PPP4R3B: variants seen among roughly 807,000 people sequenced by gnomAD.
The protein encoded by PPP4R3B is serine/threonine-protein phosphatase 4 regulatory subunit 3B.
In PPP4R3B, 52 loss-of-function variants were observed where a neutral mutation model predicts 95.4. The observed-to-expected ratio is 0.54, with a 90% confidence interval of 0.44 to 0.69. PPP4R3B has a LOEUF of 0.69. Among genes scored for constraint, PPP4R3B ranks in the 30% least tolerant of loss-of-function variants. The pLI, the probability that PPP4R3B is intolerant of heterozygous loss-of-function variation, is 0.00. For missense variants in PPP4R3B, 1,003 were observed against 1,005.9 expected, an observed-to-expected ratio of 1.00 and a Z score of 0.04; for synonymous variants, 407 against 343.9, an observed-to-expected ratio of 1.18 and a Z score of -2.03.
rs530565915 is a variant in PPP4R3B, at chr2:55,563,026, T to C, written c.2260+1287A>G. Among the ~76,000 whole-genome samples, 42 of 152,364 alleles carry C rather than the reference T, an allele frequency of 2.8e-4. No homozygotes were observed. The South Asian group carries it at 7.7e-3, about 28-fold the overall frequency. On this transcript the variant is annotated intron_variant, in intron 15 of 16. Transcript: ENST00000616407. ...TTAACATCTGGTTATTATTTTTATA[T>C]ATGATTCTTAACAGCATCTCACTCA...
chr2:55,578,882 A>C (rs781067567), intron 9 of PPP4R3B, among the ~76,000 whole-genome samples: 7 of 152,076 alleles, frequency 4.6e-5, no homozygotes, highest in Non-Finnish European at 1.5e-5. Context: ...TCACTAATTA[A>C]GTTGTACGCT....
chr2:55,603,665 T>A (rs1187873936), intron 3 of PPP4R3B, among the ~76,000 whole-genome samples: 1 of 152,226 alleles, frequency 6.6e-6, no homozygotes, highest in Non-Finnish European at 1.5e-5. Context: ...ATGTTTTTAA[T>A]CTAAAAGCTT....
At chr2:55,551,427 A>G (rs1685227957) in intron 16 of PPP4R3B, among the ~76,000 whole-genome samples, 1 of 152,124 alleles carries the variant, frequency 6.6e-6, no homozygotes, top group East Asian at 1.9e-4. Context: ...TTGGTATAGT[A>G]GTATTTAGGC....
intron 3 of PPP4R3B, 149 bp downstream of exon 3, chr2:55,603,829 C>G: frequency 4.0e-6 from 2 of 500,438 alleles, no homozygotes; most frequent in Non-Finnish European, 6.9e-6. Context: ...AAATAATTTG[C>G]CGTAGAATAT....
chr2:55,556,632 TAA>T (rs570817892), intron 16 of PPP4R3B, among the ~76,000 whole-genome samples: 34 of 141,504 alleles, frequency 2.4e-4, no homozygotes, highest in African/African-American at 6.2e-4. Context: ...TACTTTGATT[TAA>T]AAAAAAAAAA....
In PPP4R3B at chr2:55,598,531, A is replaced by G; in HGVS notation, c.806T>C (p.Val269Ala). Residue 269 changes from valine to alanine, a missense_variant, in exon 4 of 17, where the codon GTA becomes GCA. Val to Ala is a moderately conservative substitution (Grantham distance 64, BLOSUM62 0). This residue lies in a region of PPP4R3B where 695 missense variants were observed against 686.2 expected (regional missense o/e 1.01). Transcript: ENST00000616407. ...CAAAATGATGTCCTGAATGTACTGT[A>G]CCCTGTAAGTCTGATGTATTTTTTG... ...LRQKIHQTYR[V>A]QYIQDIILPT... 6.2e-7 allele frequency: 1 copy of G among 1,614,138 alleles called. No individual in the cohort carries two copies.
chr2:55,612,000 TGA>T (rs371062847), intron 2 of PPP4R3B, among the ~76,000 whole-genome samples: 37 of 152,318 alleles, frequency 2.4e-4, no homozygotes, highest in African/African-American at 8.4e-4. Context: ...TCCAAAGTGC[TGA>T]GATTGCAGGT....
chr2:55,570,941 A>G (rs891378560), intron 12 of PPP4R3B, among the ~76,000 whole-genome samples: 1 of 152,354 alleles, frequency 6.6e-6, no homozygotes, highest in Non-Finnish European at 1.5e-5. Context: ...AAATGAACTG[A>G]CATGTACACA....
intron 16 of PPP4R3B, among the ~76,000 whole-genome samples, chr2:55,553,235 T>A (rs188116958): frequency 6.6e-6 from 1 of 152,342 alleles, no homozygotes; most frequent in African/African-American, 2.4e-5. Context: ...AAATTTTGTA[T>A]ACTGAGCAGA....
At chr2:55,614,135 T>C (rs1216796027) in intron 2 of PPP4R3B, 3 of 152,222 alleles carry the variant, frequency 2.0e-5, no homozygotes, top group African/African-American at 7.2e-5. Flanking sequence ...ATGTGTTATA[T>C]ACATAATTGT....
chr2:55,600,173 T>C (rs1022561837), intron 3 of PPP4R3B, among the ~76,000 whole-genome samples: 2 of 152,176 alleles, frequency 1.3e-5, no homozygotes, highest in Non-Finnish European at 2.9e-5. Flanking sequence ...ACGCCTGTAA[T>C]GCCAGCACTT....
intron 4 of PPP4R3B, among the ~76,000 whole-genome samples, chr2:55,592,337 C>G (rs886592022): frequency 1.3e-5 from 2 of 152,100 alleles, no homozygotes; most frequent in African/African-American, 2.4e-5. Flanking sequence ...GTCACTCCTA[C>G]TAAGTAAACC....
At chr2:55,564,157 A>G (rs182791953) in intron 15 of PPP4R3B, among the ~76,000 whole-genome samples, 156 bp downstream of exon 15, 4 of 152,242 alleles carry the variant, frequency 2.6e-5, no homozygotes, top group African/African-American at 9.6e-5. Context: ...TCCCAGACAG[A>G]TTTGGAAAAA....
At chr2:55,563,298 T>C (rs1339189702) in intron 15 of PPP4R3B, among the ~76,000 whole-genome samples, 1 of 152,270 alleles carries the variant, frequency 6.6e-6, no homozygotes, top group Non-Finnish European at 1.5e-5. Context: ...CTGAGAATTG[T>C]CTTTAGAAAA....
rs1164732780 is a variant in PPP4R3B at position 55,564,891 on chromosome 2, T to G, written c.2075+11A>C. The G allele has an allele frequency of 6.2e-7, 1 of 1,606,940 alleles. No individual in the cohort carries two copies. Among genetic ancestry groups the G allele is most frequent in the African/African-American group, 1.3e-5 (1 of 74,552 alleles). ...TTTGTAGGCTATAAAAGCAGTATACTTAAACAATACCTGTTCAGTTTCTGA... is the reference window on the plus strand; with the variant it reads ...TTTGTAGGCTATAAAAGCAGTATACGTAAACAATACCTGTTCAGTTTCTGA... On this transcript the variant is annotated intron_variant, in intron 14 of 16. Transcript: ENST00000616407.
intron 4 of PPP4R3B, among the ~76,000 whole-genome samples, chr2:55,593,821 A>T (rs1471749268): frequency 1.3e-5 from 2 of 152,142 alleles, no homozygotes; most frequent in Non-Finnish European, 2.9e-5. Context: ...ATTCATACCC[A>T]AAGGAAAAAA....
chr2:55,607,777 C>T (rs1260079345), intron 2 of PPP4R3B, among the ~76,000 whole-genome samples: 2 of 152,184 alleles, frequency 1.3e-5, no homozygotes, highest in African/African-American at 4.8e-5. Flanking sequence ...AATCTTCTAA[C>T]CATGCCTTGG....
At chr2:55,564,291 C>T in intron 15 of PPP4R3B, 22 bp downstream of exon 15, 1 of 1,601,232 alleles carries the variant, frequency 6.2e-7, no homozygotes, top group East Asian at 2.2e-5. Context: ...GTACACTGTG[C>T]AAAAATTCCG....
At chr2:55,564,785 T>C in intron 14 of PPP4R3B, 117 bp downstream of exon 14, 1 of 1,237,380 alleles carries the variant, frequency 8.1e-7, no homozygotes, top group South Asian at 1.4e-5. Context: ...TATTCAACTC[T>C]ATGCTATCCA....
Sources: allele counts gnomAD v4.1 joint callset (sites outside exome capture counted in the v4.1 genomes callset), GRCh38; gene constraint gnomAD v4.1.1; regional missense constraint gnomAD v4.1.1; transcripts MANE v1.5; gene names NCBI Gene and HGNC (gene_info 2026-07-23, HGNC 2026-07-21).